The following STAG1 variants were observed in gnomAD, a reference collection of about 807,000 sequenced individuals.
STAG1 encodes the protein STAG1 cohesin complex component.
STAG1 carries 26 observed loss-of-function variants against 170.9 expected under a neutral mutation model. That is an observed-to-expected ratio of 0.15 (90% CI 0.11 to 0.21). STAG1 has a LOEUF of 0.21. Ranked by LOEUF, STAG1 falls within the 10% of genes least tolerant of loss-of-function variation. The pLI is 1.00. For synonymous variants in STAG1, 514 were observed against 497.7 expected, an observed-to-expected ratio of 1.03 and a Z score of -0.44; for missense variants, 964 against 1,509.5, an observed-to-expected ratio of 0.64 and a Z score of 5.99.
chr3:136,387,818 G>A (rs1210812777), intron 22 of STAG1, among the ~76,000 whole-genome samples: 1 of 152,154 alleles, frequency 6.6e-6, no homozygotes, highest in African/African-American at 2.4e-5. Context: ...GCTGCCTACT[G>A]TAGTTCCAAA....
At chr3:136,739,324 C>T (rs1934522681) in intron 1 of STAG1, among the ~76,000 whole-genome samples, 1 of 151,872 alleles carries the variant, frequency 6.6e-6, no homozygotes, top group African/African-American at 2.4e-5. Flanking sequence ...CAAGACCAAC[C>T]TTGGCAACAT....
intron 4 of STAG1, among the ~76,000 whole-genome samples, chr3:136,589,472 C>A (rs1051608174): frequency 2.0e-5 from 3 of 151,872 alleles, no homozygotes; most frequent in Admixed American, 2.0e-4. Context: ...CCACTGCACT[C>A]CAGCCTGGGT....
intron 8 of STAG1, among the ~76,000 whole-genome samples, chr3:136,501,017 T>C (rs1933435921): frequency 7.3e-6 from 1 of 136,666 alleles, no homozygotes; most frequent in African/African-American, 3.1e-5. Flanking sequence ...TTGCTTTTAC[T>C]ACATACATGA....
chr3:136,504,484 G>C (rs1424166901), intron 7 of STAG1, among the ~76,000 whole-genome samples: 1 of 152,148 alleles, frequency 6.6e-6, no homozygotes. Context: ...TTTGTGTGTT[G>C]CCAGTAGTAG....
intron 3 of STAG1, among the ~76,000 whole-genome samples, chr3:136,612,536 C>T (rs989272345): frequency 6.6e-6 from 1 of 151,558 alleles, no homozygotes; most frequent in African/African-American, 2.4e-5. Flanking sequence ...AAAACAAGAA[C>T]AAAAAAGTTA....
At chr3:136,463,742 T>TGA (rs1437580761) in intron 13 of STAG1, among the ~76,000 whole-genome samples, 59 of 79,502 alleles carry the variant, frequency 7.4e-4, no homozygotes, top group African/African-American at 3.0e-3. Flanking sequence ...TATATGTGTG[T>TGA]GTGTGTGTGT....
chr3:136,526,255 C>A (rs1935020967), intron 6 of STAG1, among the ~76,000 whole-genome samples: 3 of 152,160 alleles, frequency 2.0e-5, no homozygotes, highest in African/African-American at 7.2e-5. Flanking sequence ...TCTCTAAGGA[C>A]TTTCCTTATG....
rs560606096 is a variant in STAG1, at chr3:136,726,612, T to C, written c.-84+25583A>G. ...CTAATTTTCGTATTTTTAGTAGAGA[T>C]GGGGTTTTGCCATGTTGACCAGGCT... On this transcript the variant is annotated intron_variant, in intron 1 of 33. Transcript: ENST00000383202. Among the ~76,000 whole-genome samples the C allele has an allele frequency of 1.2e-4, 19 of 152,246 alleles. No individual in the cohort carries two copies. In the East Asian group the frequency reaches 2.3e-3, roughly 19 times the overall value.
chr3:136,700,398 A>G (rs1435146959), intron 1 of STAG1, among the ~76,000 whole-genome samples: 1 of 151,364 alleles, frequency 6.6e-6, no homozygotes, highest in Non-Finnish European at 1.5e-5. Flanking sequence ...AAATGAACAT[A>G]TACAACTAAA....
intron 3 of STAG1, chr3:136,609,351 G>GTA (rs1242900848): frequency 3.4e-5 from 5 of 148,222 alleles, no homozygotes; most frequent in South Asian, 2.1e-4. Flanking sequence ...ATATATATTT[G>GTA]TATATATATT....
At chr3:136,500,614 T>G (rs531963171) in intron 8 of STAG1, among the ~76,000 whole-genome samples, 4 of 152,316 alleles carry the variant, frequency 2.6e-5, no homozygotes, top group African/African-American at 9.6e-5. Flanking sequence ...CTCTTCTGTC[T>G]AAATCAGGTC....
chr3:136,731,211 C>G (rs1333036371), intron 1 of STAG1, among the ~76,000 whole-genome samples: 1 of 151,780 alleles, frequency 6.6e-6, no homozygotes, highest in East Asian at 1.9e-4. Flanking sequence ...CAAACCACCT[C>G]AAGGCATTCA....
chr3:136,400,621 C>T (rs986721217), intron 21 of STAG1, among the ~76,000 whole-genome samples: 1 of 152,034 alleles, frequency 6.6e-6, no homozygotes, highest in Non-Finnish European at 1.5e-5. Flanking sequence ...CTGCAACCTC[C>T]GCCTCCCGGG....
intron 1 of STAG1, among the ~76,000 whole-genome samples, chr3:136,742,131 T>C (rs999353608): frequency 2.0e-4 from 31 of 152,172 alleles, no homozygotes; most frequent in African/African-American, 7.0e-4. Context: ...TGGCAGCTGA[T>C]AGAATGAGAC....
chr3:136,652,988 C>A (rs1941265962), intron 1 of STAG1, among the ~76,000 whole-genome samples: 1 of 152,060 alleles, frequency 6.6e-6, no homozygotes, highest in African/African-American at 2.4e-5. Context: ...TAGTTAAGAA[C>A]TAGCAGCCGG....
chr3:136,667,987 G>A (rs949793852), intron 1 of STAG1, among the ~76,000 whole-genome samples: 1 of 151,918 alleles, frequency 6.6e-6, no homozygotes, highest in Non-Finnish European at 1.5e-5. Context: ...CAGGAGGTAA[G>A]ACCATCCTGG....
chr3:136,475,496 A>G (rs910797577), intron 10 of STAG1, among the ~76,000 whole-genome samples: 2 of 152,052 alleles, frequency 1.3e-5, no homozygotes, highest in East Asian at 3.9e-4. Context: ...CAGCACAAAA[A>G]TCCCCAACTC....
chr3:136,536,993 G>A (rs1024053947), intron 6 of STAG1, among the ~76,000 whole-genome samples: 1 of 152,092 alleles, frequency 6.6e-6, no homozygotes, highest in African/African-American at 2.4e-5. Context: ...CCAATAGATC[G>A]AACTGCAGGG....
chr3:136,641,414 C>A (rs1435068821), intron 1 of STAG1, among the ~76,000 whole-genome samples: 2 of 152,154 alleles, frequency 1.3e-5, no homozygotes, highest in Non-Finnish European at 2.9e-5. Flanking sequence ...ATCCAGCAGA[C>A]CCCTCCATAA....
Sources: allele counts gnomAD v4.1 joint callset (sites outside exome capture counted in the v4.1 genomes callset), GRCh38; gene constraint gnomAD v4.1.1; transcripts MANE v1.5; gene names NCBI Gene and HGNC (gene_info 2026-07-23, HGNC 2026-07-21).